The following LARGE1 variants were observed in gnomAD, a reference collection of about 807,000 sequenced individuals.
LARGE1 encodes the protein xylosyl- and glucuronyltransferase LARGE1.
A neutral mutation model predicts 87.6 loss-of-function variants in LARGE1; 43 were observed. The observed-to-expected ratio is 0.49, with a 90% CI of 0.38 to 0.63. The LOEUF is 0.63. Among genes scored for constraint, LARGE1 ranks in the 30% least tolerant of loss-of-function variants. LARGE1 has a pLI of 0.00. For missense variants in LARGE1, 802 were observed against 1,000.2 expected, an observed-to-expected ratio of 0.80 and a Z score of 2.67; for synonymous variants, 434 against 394.6, an observed-to-expected ratio of 1.10 and a Z score of -1.18.
chr22:33,601,059 G>C (rs1282110422), intron 5 of LARGE1, among the ~76,000 whole-genome samples: 1 of 152,102 alleles, frequency 6.6e-6, no homozygotes, highest in Non-Finnish European at 1.5e-5. Context: ...GACAGAGCAA[G>C]ACTCTGTCTG....
intron 1 of LARGE1, among the ~76,000 whole-genome samples, chr22:33,869,378 GTGTTCAGCTCCCTCCCAAGTA>G: frequency 6.6e-6 from 1 of 152,220 alleles, no homozygotes; most frequent in East Asian, 1.9e-4. Context: ...TGTAGCAAAT[GTGTTCAGCTCCCTCCCAAGTA>G]GGGAAAAAAA....
intron 2 of LARGE1, among the ~76,000 whole-genome samples, chr22:33,693,139 C>T (rs888304120): frequency 6.6e-5 from 10 of 152,182 alleles, no homozygotes; most frequent in African/African-American, 2.4e-4. Flanking sequence ...AGCAAATTGA[C>T]ACAAGAACAG....
intron 9 of LARGE1, among the ~76,000 whole-genome samples, chr22:33,358,694 G>A (rs924056932): frequency 1.6e-4 from 24 of 152,032 alleles, no homozygotes; most frequent in Admixed American, 7.2e-4. Context: ...CTCTGAGTCT[G>A]TTGTTTAAAA....
At chr22:33,562,298 C>G (rs1363068839) in intron 6 of LARGE1, among the ~76,000 whole-genome samples, 1 of 152,100 alleles carries the variant, frequency 6.6e-6, no homozygotes, top group East Asian at 1.9e-4. Context: ...TTAGGGTGGG[C>G]ATGGGAAAAC....
intron 10 of LARGE1, among the ~76,000 whole-genome samples, chr22:33,325,407 A>G (rs1026865751): frequency 1.3e-5 from 2 of 152,252 alleles, no homozygotes; most frequent in Non-Finnish European, 2.9e-5. Flanking sequence ...AACAAATTTT[A>G]TTCGCCTTCT....
At position 33,817,220 on chromosome 22, in the gene LARGE1, T is replaced by A. The variant is rs141319729; in HGVS notation, c.-82-55662A>T. Among the ~76,000 whole-genome samples the A allele has an allele frequency of 7.2e-5, 11 of 152,272 alleles. No homozygotes were observed. The East Asian group carries it at 1.7e-3, about 24-fold the overall frequency. ...CCTGGTGCTTGCCAACAGCCTTGTCTCCCATCTAGCCCCTTTGAAGGCACA... is the reference window on the plus strand; with the variant it reads ...CCTGGTGCTTGCCAACAGCCTTGTCACCCATCTAGCCCCTTTGAAGGCACA... On this transcript the variant is annotated intron_variant, in intron 1 of 14. Coordinates refer to ENST00000397394, the MANE Select transcript of LARGE1 (RefSeq NM_133642.5).
chr22:33,903,807 G>C (rs747001074), intron 1 of LARGE1, among the ~76,000 whole-genome samples: 2 of 152,146 alleles, frequency 1.3e-5, no homozygotes, highest in Non-Finnish European at 2.9e-5. Context: ...CCTGGTGACA[G>C]AGCGAGACTC....
intron 11 of LARGE1, among the ~76,000 whole-genome samples, chr22:33,184,903 C>T (rs75494379): frequency 6.6e-6 from 1 of 152,076 alleles, no homozygotes; most frequent in Non-Finnish European, 1.5e-5. Context: ...AAACATTAAC[C>T]ATATCGAATG....
intron 1 of LARGE1, among the ~76,000 whole-genome samples, chr22:33,831,802 G>C (rs915199037): frequency 6.7e-6 from 1 of 148,402 alleles, no homozygotes; most frequent in Non-Finnish European, 1.5e-5. Context: ...ACACAGACTT[G>C]AGCCTCCAAA....
chr22:33,375,712 T>C (rs565874778), intron 9 of LARGE1, among the ~76,000 whole-genome samples: 2 of 152,308 alleles, frequency 1.3e-5, no homozygotes, highest in South Asian at 2.1e-4. Context: ...GGTTATCTTA[T>C]TAACCTCAAG....
At chr22:33,313,505 G>A (rs1196627530) in intron 11 of LARGE1, among the ~76,000 whole-genome samples, 8 of 152,300 alleles carry the variant, frequency 5.3e-5, no homozygotes, top group Non-Finnish European at 5.9e-5. Flanking sequence ...CTGTGTTATC[G>A]CCCTCTTGGG....
intron 6 of LARGE1, among the ~76,000 whole-genome samples, chr22:33,446,346 C>G (rs2067686616): frequency 6.6e-6 from 1 of 152,178 alleles, no homozygotes; most frequent in Non-Finnish European, 1.5e-5. Context: ...AGCTCTGTAT[C>G]CTTCTAAGAA....
chr22:33,791,876 G>T (rs11703278), intron 1 of LARGE1, among the ~76,000 whole-genome samples: 1 of 152,036 alleles, frequency 6.6e-6, no homozygotes, highest in Non-Finnish European at 1.5e-5. Context: ...AAGGGAAAAA[G>T]AAATTTTTAT....
intron 2 of LARGE1, among the ~76,000 whole-genome samples, chr22:33,688,703 C>T (rs1056423966): frequency 4.6e-5 from 7 of 152,120 alleles, no homozygotes; most frequent in Admixed American, 1.3e-4. Context: ...CAGCCTCCTC[C>T]CCTGGCCGTA....
intron 9 of LARGE1, among the ~76,000 whole-genome samples, chr22:33,377,353 T>TG (rs765851055): frequency 2.8e-4 from 43 of 152,236 alleles, no homozygotes; most frequent in Non-Finnish European, 5.9e-4. Flanking sequence ...ACTTTGTTAC[T>TG]GATCCTTTGG....
chr22:33,530,592 C>G (rs1284242480), intron 6 of LARGE1, among the ~76,000 whole-genome samples: 1 of 151,196 alleles, frequency 6.6e-6, no homozygotes, highest in Non-Finnish European at 1.5e-5. Flanking sequence ...CTCTTGTTTT[C>G]TCTGGCCTTA....
At chr22:33,303,479 G>T (rs1349474589) in intron 12 of LARGE1, among the ~76,000 whole-genome samples, 1 of 152,164 alleles carries the variant, frequency 6.6e-6, no homozygotes, top group Non-Finnish European at 1.5e-5. Flanking sequence ...TCAGAACAGT[G>T]CCTGGCGCGC....
chr22:33,380,297 C>A (rs186539842), intron 9 of LARGE1, among the ~76,000 whole-genome samples: 2 of 152,254 alleles, frequency 1.3e-5, no homozygotes, highest in Admixed American at 6.5e-5. Flanking sequence ...ACAGAAGGAA[C>A]TGAATAAATG....
intron 4 of LARGE1, among the ~76,000 whole-genome samples, chr22:33,625,002 T>C (rs974009037): frequency 2.6e-5 from 4 of 152,164 alleles, no homozygotes; most frequent in Non-Finnish European, 4.4e-5. Context: ...CCTTGCAGGG[T>C]TGGTAGGTCT....
Sources: allele counts gnomAD v4.1 joint callset (sites outside exome capture counted in the v4.1 genomes callset), GRCh38; gene constraint gnomAD v4.1.1; transcripts MANE v1.5; gene names NCBI Gene and HGNC (gene_info 2026-07-23, HGNC 2026-07-21).